COPS8: variants seen among roughly 807,000 people sequenced by gnomAD.
COPS8 encodes the protein COP9 signalosome complex subunit 8.
In COPS8, 11 loss-of-function variants were observed where a neutral mutation model predicts 31.5. That is an observed-to-expected ratio of 0.35 (90% CI 0.22 to 0.58). The LOEUF (loss-of-function observed/expected upper bound fraction) is 0.58, where lower values mean the gene tolerates loss of function less well. COPS8 is among the 20% of genes least tolerant of loss of function. COPS8 has a pLI of 0.83. For missense variants in COPS8, 215 were observed against 255.1 expected (o/e 0.84, Z 1.07); for synonymous variants, 81 against 89.3 (o/e 0.91, Z 0.52).
Position 237,086,060 on chromosome 2 carries a change from G to A in COPS8, c.78+18G>A, listed in dbSNP as rs946322952. 4 of 1,609,046 alleles carry A rather than the reference G, an allele frequency of 2.5e-6. No individual in the cohort carries two copies. Among genetic ancestry groups the A allele is most frequent in the Non-Finnish European group, 3.4e-6 (4 of 1,176,566 alleles). ...AGCTCGAGGTAACCCTTTGCGTCGC[G>A]CTGGGAGAAACTGCGGAGTAGTCTT... On this transcript the variant is annotated intron_variant, in intron 1 of 7. Coordinates refer to ENST00000354371, the MANE Select transcript of COPS8 (RefSeq NM_006710.5).
chr2:237,097,572 A>C (rs1696827911), intron 7 of COPS8, 91 bp from the exon 8 acceptor site: 1 of 798,460 alleles, frequency 1.3e-6, no homozygotes, highest in Admixed American at 2.5e-5. Context: ...TACTGTTAAA[A>C]ATTGAAGGCA....
intron 2 of COPS8, 121 bp from the exon 3 acceptor site, chr2:237,088,484 T>A: frequency 1.9e-6 from 1 of 525,080 alleles, no homozygotes; most frequent in Non-Finnish European, 3.3e-6. Context: ...AAACTAAATT[T>A]TACTTTGTGT....
chr2:237,094,685 C>G (rs1696765824), intron 5 of COPS8, among the ~76,000 whole-genome samples: 1 of 152,078 alleles, frequency 6.6e-6, no homozygotes. Context: ...TACACCTGGC[C>G]AGGTGCAGTG....
At chr2:237,088,090 A>G (rs1451718700) in intron 2 of COPS8, among the ~76,000 whole-genome samples, 1 of 152,060 alleles carries the variant, frequency 6.6e-6, no homozygotes, top group Non-Finnish European at 1.5e-5. Context: ...CACATATGTA[A>G]GGTTTTTGTT....
In COPS8 at chr2:237,087,152, C is replaced by T. The variant is rs1307961618; in HGVS notation, c.104C>T (p.Pro35Leu). The part of the protein sequence containing the change: ...LEAPGGIATP[P>L]VYGQLLALYL... ...GCCCCTGGAGGAATTGCTACACCCC[C>T]AGTGTATGGTCAGCTTCTAGCTTTA... Residue 35 changes from proline (P) to leucine (L), a missense_variant, in exon 2 of 8, where the codon CCA (proline) becomes CTA (leucine). Transcript: ENST00000354371. The T allele has an allele frequency of 6.2e-7, 1 of 1,608,410 alleles. No individual in the cohort carries two copies. The highest frequency in any genetic ancestry group is 2.2e-5 in the East Asian group (1 of 44,620).
At position 237,097,767 on chromosome 2, in the gene COPS8, A is replaced by T; in HGVS notation, c.*25A>T. On this transcript the variant is annotated 3_prime_UTR_variant, in exon 8 of 8. Coordinates refer to ENST00000354371, the MANE Select transcript of COPS8 (RefSeq NM_006710.5). Reference sequence around the variant, plus strand: ...ATTTATCACTCTGAGTTCAAGATTCATCTTCAGAATCCTGTATACTGACAA... The same window carrying T: ...ATTTATCACTCTGAGTTCAAGATTCTTCTTCAGAATCCTGTATACTGACAA... 6.5e-7 allele frequency: 1 copy of T among 1,535,756 alleles called. No homozygotes were observed. Among genetic ancestry groups the T allele is most frequent in the South Asian group, 1.1e-5 (1 of 89,374 alleles).
At position 237,097,940 on chromosome 2, in the gene COPS8, G is replaced by C. The variant is rs1696834198; in HGVS notation, c.*198G>C. 2 of 449,146 alleles carry C rather than the reference G, an allele frequency of 4.5e-6. No individual in the cohort carries two copies. The highest frequency in any genetic ancestry group is 8.0e-6 in the Non-Finnish European group (2 of 250,586). 27.8% of individuals were successfully genotyped at this position (449,146 alleles called of 1,614,324 possible). A position where few individuals can be genotyped will look rare whatever the true frequency, so the allele number is the denominator to read the frequency against. On this transcript the variant is annotated 3_prime_UTR_variant, in exon 8 of 8. Transcript: ENST00000354371. Reference sequence around the variant, plus strand: ...GTTATGCTGAATAGTTGTTGAAACAGTTCTCATTTTGTAGTATTTAATAAT... The same window carrying C: ...GTTATGCTGAATAGTTGTTGAAACACTTCTCATTTTGTAGTATTTAATAAT...
chr2:237,093,125 G>A (rs1048973890), intron 4 of COPS8, among the ~76,000 whole-genome samples: 5 of 152,154 alleles, frequency 3.3e-5, no homozygotes, highest in African/African-American at 9.7e-5. Context: ...GCAGACAGGA[G>A]GGCATTTCAG....
At chr2:237,093,664 T>G (rs1170703503) in intron 4 of COPS8, 5 of 983,992 alleles carry the variant, frequency 5.1e-6, no homozygotes, top group Non-Finnish European at 6.0e-6. Context: ...AACTCCCAGG[T>G]GTGGTCCTGT....
chr2:237,085,939 G>C lies in COPS8; in HGVS notation c.-26G>C. On this transcript the variant is annotated 5_prime_UTR_variant, in exon 1 of 8. Transcript: ENST00000354371. ...AGTCTGGGGTTTGGCTGTCCGGACGGTGCAGCGGCGAGGCCGGCCGCGAAG... is the reference window on the plus strand; with the variant it reads ...AGTCTGGGGTTTGGCTGTCCGGACGCTGCAGCGGCGAGGCCGGCCGCGAAG... 6.2e-7 allele frequency: 1 copy of C among 1,607,864 alleles called. No homozygotes were observed. The highest frequency in any genetic ancestry group is 1.1e-5 in the South Asian group (1 of 90,122).
At chr2:237,086,342 A>G (rs544036844) in intron 1 of COPS8, among the ~76,000 whole-genome samples, 2 of 152,220 alleles carry the variant, frequency 1.3e-5, no homozygotes, top group African/African-American at 2.4e-5. Flanking sequence ...CCTTCCCAGT[A>G]TCGGGTTGGG....
intron 3 of COPS8, among the ~76,000 whole-genome samples, chr2:237,089,632 A>G (rs1696673391): frequency 1.3e-5 from 2 of 152,226 alleles, no homozygotes; most frequent in Admixed American, 1.3e-4. Context: ...ATTGTAATAA[A>G]TTTATATCAG....
At position 237,085,954 on chromosome 2, in the gene COPS8, C is replaced by T. The variant is rs201704514; in HGVS notation, c.-11C>T. The T allele has an allele frequency of 1.2e-5, 20 of 1,611,760 alleles. No individual in the cohort carries two copies. The highest frequency in any genetic ancestry group is 6.6e-5 in the South Asian group (6 of 90,674). On this transcript the variant is annotated 5_prime_UTR_variant, in exon 1 of 8. Transcript: ENST00000354371. Reference sequence around the variant, plus strand: ...TGTCCGGACGGTGCAGCGGCGAGGCCGGCCGCGAAGATGCCAGTGGCGGTG... The same window carrying T: ...TGTCCGGACGGTGCAGCGGCGAGGCTGGCCGCGAAGATGCCAGTGGCGGTG...
intron 6 of COPS8, 35 bp from the exon 7 acceptor site, chr2:237,096,787 G>A: frequency 1.3e-6 from 2 of 1,562,806 alleles, no homozygotes; most frequent in African/African-American, 2.7e-5. Flanking sequence ...AATGACTTCT[G>A]TAAATTGAGC....
chr2:237,092,879 G>T (rs376659037), intron 4 of COPS8, among the ~76,000 whole-genome samples: 8 of 152,292 alleles, frequency 5.3e-5, no homozygotes, highest in African/African-American at 1.9e-4. Flanking sequence ...CCATCAACAA[G>T]CATGTATTTG....
chr2:237,086,079 T>C, intron 1 of COPS8, 37 bp downstream of exon 1: 1 of 1,574,386 alleles, frequency 6.4e-7, no homozygotes, highest in Non-Finnish European at 8.7e-7. Context: ...AACTGCGGAG[T>C]AGTCTTAGGC....
At chr2:237,095,021 A>T (rs116570826) in intron 5 of COPS8, among the ~76,000 whole-genome samples, 277 of 152,256 alleles carry the variant, frequency 1.8e-3, no homozygotes, top group Admixed American at 4.8e-3. Context: ...CATGATTGAC[A>T]TTTTTGATTC....
chr2:237,087,245 A>G (rs764810703), intron 2 of COPS8, 48 bp downstream of exon 2: 31 of 1,378,456 alleles, frequency 2.2e-5, no homozygotes, highest in African/African-American at 4.3e-5. Flanking sequence ...TCTCAAAGTT[A>G]TATGGAAATA....
At position 237,085,897 on chromosome 2, in the gene COPS8, C is replaced by T; in HGVS notation, c.-68C>T. 1.4e-6 allele frequency: 2 copies of T among 1,463,422 alleles called. No homozygotes were observed. The highest frequency in any genetic ancestry group is 1.9e-6 in the Non-Finnish European group (2 of 1,060,524). 90.7% of individuals were successfully genotyped at this position (1,463,422 alleles called of 1,614,324 possible). A position where few individuals can be genotyped will look rare whatever the true frequency, so the allele number is the denominator to read the frequency against. ...CGGCGGCTTTAAACGTCATCGCGGG[C>T]GCGACGCCTGAGGGACAGTCTGGGG... is the stretch of plus-strand genomic sequence containing the variant. On this transcript the variant is annotated 5_prime_UTR_variant, in exon 1 of 8. Transcript: ENST00000354371.
Sources: allele counts gnomAD v4.1 joint callset (sites outside exome capture counted in the v4.1 genomes callset), GRCh38; gene constraint gnomAD v4.1.1; transcripts MANE v1.5; gene names NCBI Gene and HGNC (gene_info 2026-07-23, HGNC 2026-07-21).